The following RAI1 variants were observed in gnomAD, a reference collection of about 807,000 sequenced individuals.
RAI1 encodes the protein retinoic acid induced 1.
In RAI1, 9 loss-of-function variants were observed where a neutral mutation model predicts 123.8. That is an observed-to-expected ratio of 0.07 (90% confidence interval 0.04 to 0.13). The LOEUF (loss-of-function observed/expected upper bound fraction) is 0.13. Ranked by LOEUF, RAI1 falls within the 10% of genes least tolerant of loss-of-function variation. The pLI is 1.00. For missense variants in RAI1, 2,256 were observed against 2,545.8 expected (o/e 0.89, Z 2.45); for synonymous variants, 1,231 against 1,127.3 (o/e 1.09, Z -1.84).
chr17:17,708,952 A>T (rs1307317325), intron 1 of RAI1, among the ~76,000 whole-genome samples: 1 of 152,230 alleles, frequency 6.6e-6, no homozygotes, highest in Non-Finnish European at 1.5e-5. Context: ...CACAAAGGGA[A>T]CAGTTCGTCA....
At chr17:17,711,858 A>C (rs1226401561) in intron 1 of RAI1, among the ~76,000 whole-genome samples, 3 of 152,222 alleles carry the variant, frequency 2.0e-5, no homozygotes, top group Non-Finnish European at 4.4e-5. Context: ...CCGAGGAGGG[A>C]CAAAGCATTC....
chr17:17,701,226 C>T (rs867979261), intron 1 of RAI1, among the ~76,000 whole-genome samples: 1 of 152,180 alleles, frequency 6.6e-6, no homozygotes, highest in African/African-American at 2.4e-5. Flanking sequence ...TCACTGAGGC[C>T]AGTCTGCCTG....
chr17:17,692,832 A>G (rs969783250), intron 1 of RAI1, among the ~76,000 whole-genome samples: 2 of 152,168 alleles, frequency 1.3e-5, no homozygotes, highest in African/African-American at 4.8e-5. Context: ...AAAGGGATGG[A>G]AGGGGAAGGA....
At chr17:17,748,716 A>G (rs970074699) in intron 2 of RAI1, among the ~76,000 whole-genome samples, 3 of 152,186 alleles carry the variant, frequency 2.0e-5, no homozygotes, top group African/African-American at 7.2e-5. Context: ...ACGCACGCGT[A>G]TGTCGGTGGG....
At chr17:17,735,820 T>C (rs1213507878) in intron 2 of RAI1, among the ~76,000 whole-genome samples, 1 of 152,230 alleles carries the variant, frequency 6.6e-6, no homozygotes, top group Non-Finnish European at 1.5e-5. Flanking sequence ...CCTAGGGCTG[T>C]GTATCTCCTG....
chr17:17,775,053 A>C (rs2031288306), intron 2 of RAI1, among the ~76,000 whole-genome samples: 1 of 152,142 alleles, frequency 6.6e-6, no homozygotes, highest in Admixed American at 6.5e-5. Context: ...TCCTTTGTTC[A>C]GATGATTGAA....
intron 2 of RAI1, among the ~76,000 whole-genome samples, chr17:17,762,749 C>T (rs942222485): frequency 1.3e-5 from 2 of 152,098 alleles, no homozygotes; most frequent in Non-Finnish European, 2.9e-5. Context: ...CAAGAGCCCC[C>T]AGGACACAGG....
rs532995839 is a variant in RAI1, at chr17:17,729,241, C to T, written c.-17+5082C>T. 1.3e-5 allele frequency among the ~76,000 whole-genome samples: 2 copies of T among 152,308 alleles called. 1 individual carries two copies. ...TCTGGAAGGAGTCTGGGCCTGGTCA[C>T]GCTGGGCCTTGCCTGGTTATCTGTC... On this transcript the variant is annotated intron_variant, in intron 2 of 5. Transcript: ENST00000353383.
At position 17,799,059 on chromosome 17, in the gene RAI1, C is replaced by T. The variant is rs1037471678; in HGVS notation, c.5565+546C>T. ...CTGCAGGACAGTCCATGGGGTCACA[C>T]AGTCACAACAGGCAGGGCGGGGCAG... On this transcript the variant is annotated intron_variant, in intron 3 of 5. Coordinates refer to ENST00000353383, the MANE Select transcript of RAI1 (RefSeq NM_030665.4). The surrounding 1 kb of genome is among the most constrained non-coding windows in gnomAD (Gnocchi z 4.5). 6.6e-6 allele frequency among the ~76,000 whole-genome samples: 1 copy of T among 152,186 alleles called. No individual in the cohort carries two copies. Among genetic ancestry groups the T allele is most frequent in the African/African-American group, 2.4e-5 (1 of 41,442 alleles).
At chr17:17,727,114 G>A (rs1016721986) in intron 2 of RAI1, among the ~76,000 whole-genome samples, 6 of 152,182 alleles carry the variant, frequency 3.9e-5, no homozygotes, top group East Asian at 3.8e-4. Context: ...TGCTGATGCC[G>A]AAGGCTCCGA....
rs1333264449 is a variant in RAI1, at chr17:17,809,805, G to T, written c.5710-165G>T. 6.6e-6 allele frequency among the ~76,000 whole-genome samples: 1 copy of T among 152,114 alleles called. No homozygotes were observed. Among genetic ancestry groups the T allele is most frequent in the Non-Finnish European group, 1.5e-5 (1 of 67,984 alleles). On this transcript the variant is annotated intron_variant, in intron 5 of 5. Transcript: ENST00000353383. This position sits in a 1 kb window ranked among gnomAD's most constrained non-coding sequence, Gnocchi z 4.9. ...CGAAGGTGAAGGTGAAGCTGGACGG[G>T]GTGGGGCCAGAAGGGGTGGTGCCGA...
At chr17:17,692,417 T>C (rs780026693) in intron 1 of RAI1, among the ~76,000 whole-genome samples, 13 of 152,176 alleles carry the variant, frequency 8.5e-5, no homozygotes, top group Non-Finnish European at 1.9e-4. Context: ...GTGCCAGGCA[T>C]TGGGTGGTCC....
rs537908907 is a variant in RAI1, at chr17:17,710,111, C to G, written c.-148-13917C>G. ...ATGTCAGGATTCTGAAGACCTCGAG[C>G]ACACACAGACACGCACCTGGTCACG... On this transcript the variant is annotated intron_variant, in intron 1 of 5. Coordinates refer to ENST00000353383, the MANE Select transcript of RAI1 (RefSeq NM_030665.4). Among the ~76,000 whole-genome samples, 10 of 152,356 alleles carry G rather than the reference C, an allele frequency of 6.6e-5. No homozygotes were observed. The South Asian group carries it at 1.7e-3, about 25-fold the overall frequency.
At position 17,797,211 on chromosome 17, in the gene RAI1, T is replaced by C. The variant is rs776839116; in HGVS notation, c.4263T>C (p.Thr1421=). The change falls in exon 3 of 6, where the codon ACT becomes ACC. Residue 1421 remains threonine, a synonymous_variant. Transcript: ENST00000353383. ...TGAACAGTAAGAAACTGTCTTCTAC[T>C]GACTGTTTCAAAACCGAGGCCTTCA... ...KLMNSKKLSS[T]DCFKTEAFTS... is the part of the protein sequence containing the mutation. The C allele has an allele frequency of 1.9e-6, 3 of 1,613,666 alleles. No individual in the cohort carries two copies. In the East Asian group the frequency reaches 6.7e-5, roughly 36 times the overall value.
At chr17:17,780,422 A>G (rs761195627) in intron 2 of RAI1, among the ~76,000 whole-genome samples, 3 of 152,096 alleles carry the variant, frequency 2.0e-5, no homozygotes, top group Non-Finnish European at 4.4e-5. Context: ...AGGGGGAACC[A>G]GGACCTCCTC....
rs1312486979 is a variant in RAI1, at chr17:17,684,706, ATG to A, written c.-149+2915_-149+2916del. On this transcript the variant is annotated intron_variant, in intron 1 of 5. Coordinates refer to ENST00000353383, the MANE Select transcript of RAI1 (RefSeq NM_030665.4). ...TATATATATATATATATATATATAT[ATG>A]TATGTATGTATGTATATTACATATA... 4.2e-3 allele frequency: 501 copies of A among 118,412 alleles called. 2 individuals are homozygous for A. Among genetic ancestry groups the A allele is most frequent in the African/African-American group, 0.019 (463 of 24,230 alleles). The allele number at this position is 118,412 out of a possible 1,614,324, so 7.3% of individuals were successfully genotyped here. A position where few individuals can be genotyped will look rare whatever the true frequency, so the allele number is the denominator to read the frequency against.
chr17:17,699,686 CA>C (rs1331084012), intron 1 of RAI1, among the ~76,000 whole-genome samples: 38 of 152,072 alleles, frequency 2.5e-4, no homozygotes, highest in African/African-American at 8.9e-4. Context: ...ACTTCATTTC[CA>C]ATTTCCAGTT....
At chr17:17,754,680 G>A (rs562936378) in intron 2 of RAI1, among the ~76,000 whole-genome samples, 2 of 152,260 alleles carry the variant, frequency 1.3e-5, no homozygotes, top group South Asian at 2.1e-4. Flanking sequence ...AATAATATCC[G>A]ACAGCCTGTA....
intron 2 of RAI1, among the ~76,000 whole-genome samples, chr17:17,747,051 C>T (rs2029954081): frequency 6.6e-6 from 1 of 152,202 alleles, no homozygotes; most frequent in Non-Finnish European, 1.5e-5. Flanking sequence ...TCATCGCCCC[C>T]ATTTCTTATT....
Sources: gnomAD v4.1 joint callset for allele counts (sites outside exome capture counted in the v4.1 genomes callset) on GRCh38, gnomAD v4.1.1 for gene constraint, Gnocchi (gnomAD v3.1) non-coding constraint, MANE v1.5 for transcripts, NCBI Gene and HGNC (gene_info 2026-07-23, HGNC 2026-07-21) for gene names.